Variants in RBM20 observed in about 807,000 individuals in gnomAD.
The protein encoded by RBM20 is RNA-binding protein 20.
In RBM20, 51 loss-of-function variants were observed where a neutral mutation model predicts 110.1. The ratio of observed to expected loss-of-function variants is 0.46; its 90% CI spans 0.37 to 0.59. The LOEUF (loss-of-function observed/expected upper bound fraction) is 0.59. RBM20 is among the 20% of genes least tolerant of loss of function. The pLI is 0.00. For missense variants in RBM20, 1,512 were observed against 1,574.9 expected (o/e 0.96, Z 0.68); for synonymous variants, 589 against 618.2 (o/e 0.95, Z 0.70).
intron 1 of RBM20, among the ~76,000 whole-genome samples, chr10:110,715,960 G>A (rs1398606880): frequency 2.6e-5 from 4 of 152,194 alleles, no homozygotes; most frequent in African/African-American, 7.2e-5. Flanking sequence ...AACTAGATGA[G>A]CATGAGCACT....
At chr10:110,807,599 C>T (rs1028882600) in intron 7 of RBM20, among the ~76,000 whole-genome samples, 3 of 152,214 alleles carry the variant, frequency 2.0e-5, no homozygotes, top group Non-Finnish European at 4.4e-5. Context: ...TGCCCCCATG[C>T]ACCTGAGCCC....
Position 110,797,569 on chromosome 10 carries a change from G to A in RBM20, c.1589G>A (p.Cys530Tyr). 6.4e-7 allele frequency: 1 copy of A among 1,551,676 alleles called. No homozygotes were observed. Among genetic ancestry groups the A allele is most frequent in the Non-Finnish European group, 8.7e-7 (1 of 1,146,976 alleles). The change falls in exon 6 of 14, where the codon TGC becomes TAC. Residue 530 changes from cysteine (C) to tyrosine (Y), a missense_variant. By Grantham distance (194) the Cys-to-Tyr change is radical (BLOSUM62 -2). Coordinates refer to ENST00000369519, the MANE Select transcript of RBM20 (RefSeq NM_001134363.3). ...ATCTGCAATCTCCCTGAAGGAAGCT[G>A]CACTGAGAATGACGTCATTAACCTG... is the stretch of plus-strand genomic sequence containing the variant. Reference protein sequence around the residue: ...VHICNLPEGSCTENDVINLGL... With the variant: ...VHICNLPEGSYTENDVINLGL...
chr10:110,709,567 T>C (rs1333741865), intron 1 of RBM20, among the ~76,000 whole-genome samples: 1 of 151,622 alleles, frequency 6.6e-6, no homozygotes. Context: ...AATTTCTTTT[T>C]TTTTTTTTTT....
intron 1 of RBM20, among the ~76,000 whole-genome samples, chr10:110,700,112 A>G (rs940407401): frequency 6.6e-6 from 1 of 152,198 alleles, no homozygotes; most frequent in Non-Finnish European, 1.5e-5. Flanking sequence ...GACTGTGGGT[A>G]ACTGAAAGTT....
intron 1 of RBM20, among the ~76,000 whole-genome samples, chr10:110,768,528 C>T (rs1166882228): frequency 6.6e-6 from 1 of 152,196 alleles, no homozygotes; most frequent in Non-Finnish European, 1.5e-5. Flanking sequence ...AAACTGTGCA[C>T]ATTCCCAAAA....
At chr10:110,740,844 A>T (rs187855142) in intron 1 of RBM20, among the ~76,000 whole-genome samples, 44 of 152,236 alleles carry the variant, frequency 2.9e-4, no homozygotes, top group African/African-American at 7.7e-4. Flanking sequence ...TCTTGTGAGT[A>T]CAGAAGAGGA....
chr10:110,749,089 A>T (rs1386670107), intron 1 of RBM20, among the ~76,000 whole-genome samples: 1 of 152,262 alleles, frequency 6.6e-6, no homozygotes, highest in East Asian at 1.9e-4. Context: ...AAGCATTCCC[A>T]ATTACAGTCA....
At chr10:110,798,302 A>G (rs1674942183) in intron 6 of RBM20, among the ~76,000 whole-genome samples, 2 of 152,226 alleles carry the variant, frequency 1.3e-5, no homozygotes, top group African/African-American at 4.8e-5. Context: ...GAATATTTTT[A>G]CTTTATGAAT....
chr10:110,797,075 A>G (rs371264465), intron 5 of RBM20, among the ~76,000 whole-genome samples: 14 of 152,328 alleles, frequency 9.2e-5, no homozygotes, highest in African/African-American at 3.1e-4. Context: ...ACCTCCCACT[A>G]GCAACATATG....
chr10:110,667,238 C>T (rs187610172), intron 1 of RBM20, among the ~76,000 whole-genome samples: 1 of 152,170 alleles, frequency 6.6e-6, no homozygotes, highest in East Asian at 1.9e-4. Flanking sequence ...CCTAAGAATC[C>T]CAAGGCTGGG....
chr10:110,706,325 A>T (rs1482811169), intron 1 of RBM20, among the ~76,000 whole-genome samples: 1 of 152,152 alleles, frequency 6.6e-6, no homozygotes, highest in Non-Finnish European at 1.5e-5. Context: ...CTGGAGTGGC[A>T]TTGGCATACA....
At chr10:110,675,948 G>A (rs1862332313) in intron 1 of RBM20, among the ~76,000 whole-genome samples, 1 of 152,196 alleles carries the variant, frequency 6.6e-6, no homozygotes, top group Admixed American at 6.5e-5. Flanking sequence ...ATATATGTAG[G>A]GTTATAATGC....
chr10:110,701,495 G>A (rs1424752941), intron 1 of RBM20, among the ~76,000 whole-genome samples: 1 of 152,208 alleles, frequency 6.6e-6, no homozygotes, highest in Non-Finnish European at 1.5e-5. Flanking sequence ...CACTGTTAGT[G>A]TTAAGTTACA....
chr10:110,767,912 C>T (rs1844128860), intron 1 of RBM20, among the ~76,000 whole-genome samples: 1 of 152,266 alleles, frequency 6.6e-6, no homozygotes, highest in Non-Finnish European at 1.5e-5. Flanking sequence ...CAGCCGAGAT[C>T]ACGCCACTGC....
intron 1 of RBM20, among the ~76,000 whole-genome samples, chr10:110,772,405 G>A (rs941335621): frequency 6.6e-6 from 1 of 152,204 alleles, no homozygotes; most frequent in Non-Finnish European, 1.5e-5. Flanking sequence ...ATATACAGTC[G>A]CGGGTCGCAT....
At chr10:110,735,147 C>T (rs1265534652) in intron 1 of RBM20, among the ~76,000 whole-genome samples, 1 of 152,100 alleles carries the variant, frequency 6.6e-6, no homozygotes, top group African/African-American at 2.4e-5. Context: ...GCTGGTGATT[C>T]AGATATGCCC....
At chr10:110,758,469 C>T (rs866616694) in intron 1 of RBM20, among the ~76,000 whole-genome samples, 1 of 152,112 alleles carries the variant, frequency 6.6e-6, no homozygotes, top group African/African-American at 2.4e-5. Context: ...TCCACACGCC[C>T]ATACAAAATC....
intron 1 of RBM20, among the ~76,000 whole-genome samples, chr10:110,689,412 A>G (rs1862553927): frequency 6.6e-6 from 1 of 152,246 alleles, no homozygotes; most frequent in East Asian, 1.9e-4. Flanking sequence ...GCTATGAGGA[A>G]AAATCAATCA....
chr10:110,653,502 CATTT>C (rs1229947780), intron 1 of RBM20, among the ~76,000 whole-genome samples: 1 of 149,904 alleles, frequency 6.7e-6, no homozygotes, highest in Non-Finnish European at 1.5e-5. Flanking sequence ...TTTTAACTTT[CATTT>C]GTCAGATAAT....
Sources: allele counts gnomAD v4.1 joint callset (sites outside exome capture counted in the v4.1 genomes callset), GRCh38; gene constraint gnomAD v4.1.1; transcripts MANE v1.5; gene names NCBI Gene and HGNC (gene_info 2026-07-23, HGNC 2026-07-21).